ARHGAP15: variants seen among roughly 807,000 people sequenced by gnomAD.
ARHGAP15 encodes rho GTPase-activating protein 15.
Under a neutral mutation model 63.7 loss-of-function variants are expected in ARHGAP15, and 51 were observed. The observed-to-expected ratio is 0.80, with a 90% CI of 0.64 to 1.01. The LOEUF (loss-of-function observed/expected upper bound fraction) is 1.01. Ranked by LOEUF, ARHGAP15 falls within the 50% of genes least tolerant of loss-of-function variation. ARHGAP15 has a pLI of 0.00. For missense variants in ARHGAP15, 560 were observed against 564.6 expected, an observed-to-expected ratio of 0.99 and a Z score of 0.08; for synonymous variants, 191 against 193.8, an observed-to-expected ratio of 0.99 and a Z score of 0.12.
intron 6 of ARHGAP15, among the ~76,000 whole-genome samples, chr2:143,384,567 A>T (rs1163091349): frequency 2.1e-4 from 2 of 9,510 alleles, no homozygotes; most frequent in South Asian, 1.3e-3. Flanking sequence ...TTTAGAGTTA[A>T]AAAAAAAAAA....
intron 11 of ARHGAP15, among the ~76,000 whole-genome samples, chr2:143,599,747 C>T (rs1250913493): frequency 6.6e-6 from 1 of 152,128 alleles, no homozygotes; most frequent in Non-Finnish European, 1.5e-5. Flanking sequence ...CTAATCTATG[C>T]TTGACGCTTT....
rs1693227996 is a variant in ARHGAP15 at position 143,226,767 on chromosome 2, A to G, written c.297-1814A>G. ...AGTGTTTGTATTTGGATGTTGAAAA[A>G]TACACATTGTGCTTCTTGTGTGTCT... On this transcript the variant is annotated intron_variant, in intron 4 of 13. Transcript: ENST00000295095. Among the ~76,000 whole-genome samples, 3 of 152,210 alleles carry G rather than the reference A, an allele frequency of 2.0e-5. No homozygotes were observed. In the South Asian group the frequency reaches 6.2e-4, roughly 32 times the overall value.
intron 11 of ARHGAP15, among the ~76,000 whole-genome samples, chr2:143,594,131 A>G (rs1291597931): frequency 6.6e-6 from 1 of 152,136 alleles, no homozygotes; most frequent in African/African-American, 2.4e-5. Context: ...AGGAAAAAAG[A>G]GCCTTTAAAG....
chr2:143,552,897 A>C (rs1213498353), intron 10 of ARHGAP15, among the ~76,000 whole-genome samples: 1 of 152,196 alleles, frequency 6.6e-6, no homozygotes. Context: ...TCTCCAAAGC[A>C]CAAAAGAGGT....
chr2:143,286,897 T>C (rs1682131918), intron 6 of ARHGAP15, among the ~76,000 whole-genome samples: 1 of 152,186 alleles, frequency 6.6e-6, no homozygotes, highest in Non-Finnish European at 1.5e-5. Flanking sequence ...CACGAACTTA[T>C]ACGGCATGTT....
intron 4 of ARHGAP15, among the ~76,000 whole-genome samples, chr2:143,219,995 G>A (rs1692923906): frequency 1.3e-5 from 2 of 152,054 alleles, no homozygotes; most frequent in South Asian, 2.1e-4. Flanking sequence ...AGTTTATGGG[G>A]CTTGTTTTGT....
At chr2:143,371,447 C>T (rs77982836) in intron 6 of ARHGAP15, among the ~76,000 whole-genome samples, 186 of 152,280 alleles carry the variant, frequency 1.2e-3, no homozygotes, top group African/African-American at 4.4e-3. Context: ...TATCTCCCTA[C>T]CTACCTATTT....
intron 12 of ARHGAP15, among the ~76,000 whole-genome samples, chr2:143,669,026 T>A (rs1682379846): frequency 6.6e-6 from 1 of 152,252 alleles, no homozygotes; most frequent in Non-Finnish European, 1.5e-5. Context: ...GTTGAAAGTC[T>A]AAACTATCAG....
intron 6 of ARHGAP15, among the ~76,000 whole-genome samples, chr2:143,269,528 T>C (rs1007504288): frequency 2.0e-5 from 3 of 152,232 alleles, no homozygotes; most frequent in Non-Finnish European, 2.9e-5. Flanking sequence ...AGATGAAGAA[T>C]GAATTCTCTT....
intron 12 of ARHGAP15, among the ~76,000 whole-genome samples, chr2:143,686,445 G>C (rs1683353998): frequency 8.3e-6 from 1 of 120,844 alleles, no homozygotes; most frequent in African/African-American, 3.2e-5. Flanking sequence ...TCTCAATATA[G>C]CAATCACTCC....
chr2:143,250,613 C>CATATATTCA lies in ARHGAP15; in HGVS notation c.474+16_474+24dup. On this transcript the variant is annotated intron_variant, in intron 6 of 13. Transcript: ENST00000295095. ...GAATGTCTTTCAGGTAAGAATGTTACATATATTCAATTTATTCCTATTCTC... is the reference window on the plus strand; with the variant it reads ...GAATGTCTTTCAGGTAAGAATGTTACATATATTCAATATATTCAATTTATTCCTATTCTC... The CATATATTCA allele has an allele frequency of 6.3e-7, 1 of 1,599,948 alleles. No homozygotes were observed. The highest frequency in any genetic ancestry group is 1.1e-5 in the South Asian group (1 of 90,614).
chr2:143,397,505 A>C lies in ARHGAP15; in HGVS notation c.475-38096A>C, dbSNP rs1687820171. Among the ~76,000 whole-genome samples, 3 of 152,068 alleles carry C rather than the reference A, an allele frequency of 2.0e-5. 1 individual carries two copies. In the South Asian group the frequency reaches 6.2e-4, roughly 31 times the overall value. ...TAGATTCTAAAGGAAGAGAATATAA[A>C]GTTGATGTATTAGAGATACTGTGTG... is the stretch of plus-strand genomic sequence containing the variant. On this transcript the variant is annotated intron_variant, in intron 6 of 13. Transcript: ENST00000295095.
chr2:143,671,771 C>T (rs529570358), intron 12 of ARHGAP15, among the ~76,000 whole-genome samples: 2 of 152,234 alleles, frequency 1.3e-5, no homozygotes, highest in South Asian at 4.1e-4. Flanking sequence ...TTAAAGATGT[C>T]ATTATGCAGC....
chr2:143,216,714 C>T (rs1391742058), intron 4 of ARHGAP15, among the ~76,000 whole-genome samples: 1 of 152,140 alleles, frequency 6.6e-6, no homozygotes, highest in Non-Finnish European at 1.5e-5. Context: ...ATAAATAAGA[C>T]AATGGATTGT....
intron 11 of ARHGAP15, among the ~76,000 whole-genome samples, chr2:143,579,543 C>G (rs766521103): frequency 6.6e-6 from 1 of 152,138 alleles, no homozygotes; most frequent in African/African-American, 2.4e-5. Context: ...GCCCTTCATT[C>G]AGACCAGCAT....
intron 6 of ARHGAP15, among the ~76,000 whole-genome samples, chr2:143,346,641 T>C (rs1045862793): frequency 6.6e-6 from 1 of 152,122 alleles, no homozygotes. Context: ...AAGAGGAGAA[T>C]CATTTTGAAG....
intron 6 of ARHGAP15, among the ~76,000 whole-genome samples, chr2:143,362,885 A>G (rs769207745): frequency 6.6e-5 from 10 of 152,148 alleles, no homozygotes; most frequent in Non-Finnish European, 1.5e-4. Flanking sequence ...GGTCCATGTC[A>G]CCATTATCAT....
At chr2:143,418,786 A>G (rs1483181553) in intron 6 of ARHGAP15, among the ~76,000 whole-genome samples, 3 of 152,206 alleles carry the variant, frequency 2.0e-5, no homozygotes, top group Non-Finnish European at 2.9e-5. Context: ...CCCAATAAAT[A>G]CAGGGGTCTC....
chr2:143,263,907 C>CTTTTTTTTTTTT (rs373296096), intron 6 of ARHGAP15, among the ~76,000 whole-genome samples: 3 of 38,452 alleles, frequency 7.8e-5, no homozygotes, highest in African/African-American at 1.9e-4. Context: ...AAGCTGCAGT[C>CTTTTTTTTTTTT]TTTTTTTTTT....
Sources: gnomAD v4.1 joint callset for allele counts (sites outside exome capture counted in the v4.1 genomes callset) on GRCh38, gnomAD v4.1.1 for gene constraint, MANE v1.5 for transcripts, NCBI Gene and HGNC (gene_info 2026-07-23, HGNC 2026-07-21) for gene names.